Variants in NALF1 observed in about 807,000 individuals in gnomAD.
NALF1 encodes family with sequence similarity 155 member A.
NALF1 carries 3 observed loss-of-function variants against 48.4 expected under a neutral mutation model. That is an observed-to-expected ratio of 0.06 (90% CI 0.03 to 0.16). NALF1 has a LOEUF of 0.16. NALF1 is among the 10% of genes least tolerant of loss of function. The pLI, the probability that NALF1 is intolerant of heterozygous loss-of-function variation, is 1.00. For synonymous variants in NALF1, 262 were observed against 245.7 expected (o/e 1.07, Z -0.62); for missense variants, 526 against 571.5 (o/e 0.92, Z 0.81).
Position 107,200,602 on chromosome 13 carries a change from C to T in NALF1, c.1087+9982G>A, listed in dbSNP as rs150270233. Among the ~76,000 whole-genome samples the T allele has an allele frequency of 9.5e-4, 145 of 152,250 alleles. No individual in the cohort carries two copies. The Middle Eastern group carries it at 0.017, about 18-fold the overall frequency. On this transcript the variant is annotated intron_variant, in intron 2 of 2. Transcript: ENST00000375915. The stretch of plus-strand genomic sequence containing the variant: ...TAAATGATACAGCAACAAAAATATG[C>T]CTTGCAGAACTGCATTTAATAACAG...
At chr13:107,805,182 T>C (rs902111419) in intron 1 of NALF1, among the ~76,000 whole-genome samples, 2 of 152,200 alleles carry the variant, frequency 1.3e-5, no homozygotes, top group Non-Finnish European at 2.9e-5. Context: ...AGTCTAATTA[T>C]GTAACATTAA....
At chr13:107,660,508 AAAAC>A (rs1161286105) in intron 1 of NALF1, among the ~76,000 whole-genome samples, 11 of 151,584 alleles carry the variant, frequency 7.3e-5, no homozygotes, top group African/African-American at 7.3e-5. Context: ...AAAAACAAAC[AAAAC>A]AAATAAACAA....
chr13:107,479,799 T>C (rs1195402256), intron 1 of NALF1, among the ~76,000 whole-genome samples: 1 of 152,156 alleles, frequency 6.6e-6, no homozygotes, highest in Non-Finnish European at 1.5e-5. Context: ...ATATTAGAAA[T>C]TTGCCTGTAT....
At chr13:107,497,268 T>C (rs890598243) in intron 1 of NALF1, among the ~76,000 whole-genome samples, 2 of 152,216 alleles carry the variant, frequency 1.3e-5, no homozygotes, top group East Asian at 1.9e-4. Context: ...AGTTATACTC[T>C]TAATTACTAT....
At chr13:107,189,886 G>A (rs1480608225) in intron 2 of NALF1, among the ~76,000 whole-genome samples, 1 of 152,152 alleles carries the variant, frequency 6.6e-6, no homozygotes, top group Non-Finnish European at 1.5e-5. Context: ...TAAACAAGTC[G>A]GATCTCTCAT....
intron 1 of NALF1, among the ~76,000 whole-genome samples, chr13:107,828,602 T>TACACA (rs1566498071): frequency 0.091 from 3,944 of 43,250 alleles, 144 homozygotes; most frequent in East Asian, 0.25. Context: ...TATATCTATA[T>TACACA]CTATACACAC....
intron 1 of NALF1, among the ~76,000 whole-genome samples, chr13:107,599,800 T>G (rs563567232): frequency 1.3e-5 from 2 of 152,328 alleles, no homozygotes; most frequent in African/African-American, 4.8e-5. Flanking sequence ...GGTTTCTTTA[T>G]CTAAACAAGT....
At chr13:107,520,457 G>T (rs1366589825) in intron 1 of NALF1, among the ~76,000 whole-genome samples, 2 of 152,200 alleles carry the variant, frequency 1.3e-5, no homozygotes, top group African/African-American at 4.8e-5. Context: ...TATACCTGAA[G>T]AAATGAGCTC....
intron 1 of NALF1, among the ~76,000 whole-genome samples, chr13:107,357,527 C>G (rs974440564): frequency 2.0e-5 from 3 of 152,048 alleles, no homozygotes; most frequent in Non-Finnish European, 4.4e-5. Context: ...AAAACAACAA[C>G]AACAACAACA....
At chr13:107,846,830 C>A (rs1880185650) in intron 1 of NALF1, among the ~76,000 whole-genome samples, 1 of 152,076 alleles carries the variant, frequency 6.6e-6, no homozygotes, top group Non-Finnish European at 1.5e-5. Flanking sequence ...GCATTTCAGA[C>A]AAATGAGATT....
At chr13:107,421,628 C>T (rs186248066) in intron 1 of NALF1, among the ~76,000 whole-genome samples, 1 of 152,090 alleles carries the variant, frequency 6.6e-6, no homozygotes, top group Admixed American at 6.6e-5. Context: ...GAAAGACAAA[C>T]GAGAGGGTAG....
rs563831602 is a variant in NALF1, at chr13:107,765,062, C to T, written c.915+100620G>A. Among the ~76,000 whole-genome samples the T allele has an allele frequency of 8.5e-5, 13 of 152,188 alleles. No homozygotes were observed. The South Asian group carries it at 1.0e-3, about 12-fold the overall frequency. On this transcript the variant is annotated intron_variant, in intron 1 of 2. Coordinates refer to ENST00000375915, the MANE Select transcript of NALF1 (RefSeq NM_001080396.3). ...GCTGCTCCTCACCCACGGAAAGAGACGTCTAGTAGATATATTTGTCACTTC... is the reference window on the plus strand; with the variant it reads ...GCTGCTCCTCACCCACGGAAAGAGATGTCTAGTAGATATATTTGTCACTTC...
chr13:107,175,193 C>A lies in NALF1; in HGVS notation c.1088-4407G>T, dbSNP rs1017642126. The stretch of plus-strand genomic sequence containing the variant: ...CGTGAGCCATCGCGCCCGGCCCAAC[C>A]TTTTCTTTATCATCTCAAAAAGAAA... On this transcript the variant is annotated intron_variant, in intron 2 of 2. Transcript: ENST00000375915. 2.7e-5 allele frequency among the ~76,000 whole-genome samples: 4 copies of A among 149,360 alleles called. No homozygotes were observed. The East Asian group carries it at 5.9e-4, about 22-fold the overall frequency.
At chr13:107,843,581 A>T (rs1880096122) in intron 1 of NALF1, among the ~76,000 whole-genome samples, 1 of 152,112 alleles carries the variant, frequency 6.6e-6, no homozygotes, top group South Asian at 2.1e-4. Flanking sequence ...CAAGATCCCC[A>T]AGTGCTTCCC....
chr13:107,416,761 C>T (rs1358435383), intron 1 of NALF1, among the ~76,000 whole-genome samples: 4 of 152,194 alleles, frequency 2.6e-5, no homozygotes, highest in Non-Finnish European at 5.9e-5. Context: ...TCAAGGGTCA[C>T]TTGAATTATT....
intron 1 of NALF1, among the ~76,000 whole-genome samples, chr13:107,600,862 T>C (rs1878906721): frequency 6.6e-6 from 1 of 152,194 alleles, no homozygotes; most frequent in Non-Finnish European, 1.5e-5. Flanking sequence ...ATTACATGAC[T>C]GCAGGGACTT....
At chr13:107,823,396 G>C (rs73587796) in intron 1 of NALF1, among the ~76,000 whole-genome samples, 5,491 of 152,194 alleles carry the variant, frequency 0.036, 355 homozygotes, top group African/African-American at 0.13. Context: ...GCCCCTGGCT[G>C]ACATTTGTTC....
At chr13:107,305,216 C>G (rs552739764) in intron 1 of NALF1, among the ~76,000 whole-genome samples, 2 of 152,094 alleles carry the variant, frequency 1.3e-5, no homozygotes, top group East Asian at 3.9e-4. Flanking sequence ...TTTAGGGACC[C>G]CCAAAAAGCA....
intron 1 of NALF1, among the ~76,000 whole-genome samples, chr13:107,826,498 T>C (rs940448465): frequency 6.6e-6 from 1 of 152,210 alleles, no homozygotes; most frequent in Non-Finnish European, 1.5e-5. Context: ...CAGTCCAGTA[T>C]GAAGAGGAAG....
Sources: allele counts gnomAD v4.1 joint callset (sites outside exome capture counted in the v4.1 genomes callset), GRCh38; gene constraint gnomAD v4.1.1; transcripts MANE v1.5; gene names NCBI Gene and HGNC (gene_info 2026-07-23, HGNC 2026-07-21).